The following SEC31A variants were observed in gnomAD, a reference collection of about 807,000 sequenced individuals.
The protein encoded by SEC31A is SEC31 homolog A, COPII component, also known as protein transport protein Sec31A.
SEC31A carries 70 observed loss-of-function variants against 151.0 expected under a neutral mutation model. The observed-to-expected ratio is 0.46, with a 90% CI of 0.38 to 0.57. The LOEUF is 0.57. SEC31A is among the 20% of genes least tolerant of loss of function. SEC31A has a pLI of 0.00. For missense variants in SEC31A, 1,330 were observed against 1,471.2 expected, an observed-to-expected ratio of 0.90 and a Z score of 1.57; for synonymous variants, 475 against 505.9, an observed-to-expected ratio of 0.94 and a Z score of 0.82.
At chr4:82,843,087 T>C (rs1035441044) in intron 21 of SEC31A, among the ~76,000 whole-genome samples, 4 of 151,972 alleles carry the variant, frequency 2.6e-5, no homozygotes, top group Admixed American at 2.0e-4. Context: ...AGCCAACTCA[T>C]GTTTTAATGC....
chr4:82,896,974 C>T (rs902370122), intron 3 of SEC31A, among the ~76,000 whole-genome samples: 2 of 152,178 alleles, frequency 1.3e-5, no homozygotes, highest in African/African-American at 4.8e-5. Flanking sequence ...TACTCCTCAT[C>T]AGCAAAATAT....
intron 21 of SEC31A, 35 bp downstream of exon 21, chr4:82,844,351 C>T (rs753250157): frequency 2.5e-6 from 4 of 1,600,850 alleles, no homozygotes; most frequent in Non-Finnish European, 3.4e-6. Context: ...ATCATAAATA[C>T]TGCTCTGAAA....
chr4:82,884,593 G>A (rs1311633072), intron 1 of SEC31A, among the ~76,000 whole-genome samples: 1 of 152,064 alleles, frequency 6.6e-6, no homozygotes, highest in Non-Finnish European at 1.5e-5. Flanking sequence ...TTATATGAGG[G>A]CTCACTCTAG....
At chr4:82,895,846 T>G (rs1358732084), upstream of SEC31A, 1 of 152,230 alleles carries the variant, frequency 6.6e-6, no homozygotes. Flanking sequence ...CATTTTCTTT[T>G]TCTATTATGT....
chr4:82,830,363 G>A (rs1032127284), intron 22 of SEC31A, among the ~76,000 whole-genome samples: 1 of 152,192 alleles, frequency 6.6e-6, no homozygotes, highest in African/African-American at 2.4e-5. Context: ...CAGGAGCTGA[G>A]GCAGGAGAAT....
chr4:82,873,400 C>T (rs1737195285), intron 6 of SEC31A, among the ~76,000 whole-genome samples: 1 of 150,752 alleles, frequency 6.6e-6, no homozygotes, highest in African/African-American at 2.4e-5. Flanking sequence ...ACACAAGACA[C>T]AAAAAAACCC....
In SEC31A at chr4:82,842,268, G is replaced by A. The variant is rs376680544; in HGVS notation, c.2840C>T (p.Pro947Leu). 1.2e-5 allele frequency: 20 copies of A among 1,613,950 alleles called. No individual in the cohort carries two copies. The highest frequency in any genetic ancestry group is 1.6e-5 in the Non-Finnish European group (19 of 1,179,976). Reference sequence around the variant, plus strand: ...ATGCTGGAAGGATGCTCCAGAGGAAGGGGGAGGAGGGAAAGAAGTAGCAGG... The same window carrying A: ...ATGCTGGAAGGATGCTCCAGAGGAAAGGGGAGGAGGGAAAGAAGTAGCAGG... ...SSPATSFPPP[P>L]SSGASFQHGG... The change falls in exon 22 of 27, where the codon CCT (proline) becomes CTT (leucine). Residue 947 changes from proline (P) to leucine (L), a missense_variant. Coordinates refer to ENST00000395310, the MANE Select transcript of SEC31A (RefSeq NM_001077207.4).
At chr4:82,890,669 G>T in intron 1 of SEC31A, 1 of 880,168 alleles carries the variant, frequency 1.1e-6, no homozygotes, top group Non-Finnish European at 1.4e-6. Context: ...TCTGGCAATA[G>T]TTCAAGTACA....
chr4:82,897,186 C>T (rs1178972086), intron 3 of SEC31A, among the ~76,000 whole-genome samples: 12 of 152,178 alleles, frequency 7.9e-5, no homozygotes, highest in South Asian at 2.1e-4. Context: ...AGAAGCATTA[C>T]GTATAAAACA....
intron 14 of SEC31A, 47 bp downstream of exon 14, chr4:82,861,584 C>G (rs368685548): frequency 1.6e-6 from 2 of 1,278,376 alleles, no homozygotes; most frequent in Middle Eastern, 1.9e-4. Flanking sequence ...GTGAGATACA[C>G]AAATATCACA....
Position 82,821,018 on chromosome 4 carries a change from C to T in SEC31A, c.3483+19G>A, listed in dbSNP as rs770711117. The stretch of plus-strand genomic sequence containing the variant: ...TAGGAATAAATGATTATCATAAATC[C>T]TTTTCCTCCAAAACTTACTGTCTGT... On this transcript the variant is annotated intron_variant, in intron 26 of 26. Coordinates refer to ENST00000395310, the MANE Select transcript of SEC31A (RefSeq NM_001077207.4). 1.3e-6 allele frequency: 2 copies of T among 1,594,520 alleles called. No individual in the cohort carries two copies. Among genetic ancestry groups the T allele is most frequent in the African/African-American group, 1.3e-5 (1 of 74,456 alleles).
rs150570776 is a variant in SEC31A, at chr4:82,844,479, T to C, written c.2533A>G (p.Met845Val). The change falls in exon 21 of 27, where the codon ATG becomes GTG. Residue 845 changes from methionine (M) to valine (V), a missense_variant. Physicochemically the swap from Met to Val is conservative, Grantham distance 21. Coordinates refer to ENST00000395310, the MANE Select transcript of SEC31A (RefSeq NM_001077207.4). ...GENPPPPGFI[M>V]HGNVNPNAAG... The stretch of plus-strand genomic sequence containing the variant: ...GCATTTGGATTAACATTTCCATGCA[T>C]TATGAAACCCGGAGGTGGAGGATTT... The C allele has an allele frequency of 6.5e-5, 105 of 1,613,866 alleles. No homozygotes were observed. In the African/African-American group the frequency reaches 7.7e-4, roughly 12 times the overall value.
intron 19 of SEC31A, among the ~76,000 whole-genome samples, chr4:82,850,200 C>T (rs1002458586): frequency 2.6e-5 from 4 of 151,536 alleles, no homozygotes; most frequent in African/African-American, 7.3e-5. Context: ...AGATGAGCTA[C>T]GGGTCTTAAA....
At chr4:82,874,541 C>T (rs1322192847) in intron 6 of SEC31A, 70 bp downstream of exon 6, 2 of 1,404,126 alleles carry the variant, frequency 1.4e-6, no homozygotes, top group Non-Finnish European at 1.9e-6. Flanking sequence ...GTTGTCAACT[C>T]TGACAAACAA....
chr4:82,873,948 T>C (rs1005754414), intron 6 of SEC31A, among the ~76,000 whole-genome samples: 1 of 152,148 alleles, frequency 6.6e-6, no homozygotes, highest in Admixed American at 6.6e-5. Flanking sequence ...TTCACAGTGA[T>C]GAAGCTTCCA....
chr4:82,871,938 C>G lies in SEC31A; in HGVS notation c.782+6G>C, dbSNP rs201135465. On this transcript the variant is annotated splice_donor_region_variant and intron_variant, in intron 7 of 26. Transcript: ENST00000395310. ...AATCAAGTTCTTTGTAACAGCAGCACGATACCTGGCATGGTTTTCCAGGAC... is the reference window on the plus strand; with the variant it reads ...AATCAAGTTCTTTGTAACAGCAGCAGGATACCTGGCATGGTTTTCCAGGAC... The G allele has an allele frequency of 1.9e-6, 3 of 1,614,044 alleles. No individual in the cohort carries two copies. Among genetic ancestry groups the G allele is most frequent in the African/African-American group, 1.3e-5 (1 of 75,022 alleles).
intron 22 of SEC31A, among the ~76,000 whole-genome samples, chr4:82,837,513 A>C (rs1413917617): frequency 6.6e-6 from 1 of 151,928 alleles, no homozygotes; most frequent in Non-Finnish European, 1.5e-5. Context: ...CCTCCCAAGT[A>C]GCTGGGAATA....
At chr4:82,898,935 T>G (rs762018534) in intron 3 of SEC31A, among the ~76,000 whole-genome samples, 4 of 151,172 alleles carry the variant, frequency 2.6e-5, no homozygotes, top group Non-Finnish European at 4.4e-5. Flanking sequence ...ATGTTCATAA[T>G]AGTAAAAAAA....
intron 1 of SEC31A, among the ~76,000 whole-genome samples, chr4:82,883,825 A>C (rs1463561248): frequency 6.6e-6 from 1 of 150,602 alleles, no homozygotes; most frequent in African/African-American, 2.4e-5. Context: ...TGAGACCATG[A>C]CTCAAAAAAA....
Sources: allele counts gnomAD v4.1 joint callset (sites outside exome capture counted in the v4.1 genomes callset), GRCh38; gene constraint gnomAD v4.1.1; transcripts MANE v1.5; gene names NCBI Gene and HGNC (gene_info 2026-07-23, HGNC 2026-07-21).